The following RPH3AL variants were observed in gnomAD, a reference collection of about 807,000 sequenced individuals.
RPH3AL encodes rabphilin 3A like (without C2 domains), also known as rab effector Noc2.
RPH3AL carries 38 observed loss-of-function variants against 43.1 expected under a neutral mutation model. The observed-to-expected ratio is 0.88, with a 90% confidence interval of 0.68 to 1.15. The LOEUF is 1.15. RPH3AL is among the 50% of genes most tolerant of loss of function. RPH3AL has a pLI of 0.00. For synonymous variants in RPH3AL, 189 were observed against 176.3 expected (o/e 1.07, Z -0.57); for missense variants, 462 against 423.2 (o/e 1.09, Z -0.81).
At chr17:267,075 G>T (rs537210079) in intron 6 of RPH3AL, among the ~76,000 whole-genome samples, 75 of 152,318 alleles carry the variant, frequency 4.9e-4, no homozygotes, top group Admixed American at 4.8e-3. Context: ...GATGAGGAAA[G>T]GTCCCTACAA....
At position 316,575 on chromosome 17, in the gene RPH3AL, C is replaced by G. The variant is rs553464975; in HGVS notation, c.351+2845G>C. Among the ~76,000 whole-genome samples, 605 of 150,944 alleles carry G rather than the reference C, an allele frequency of 4.0e-3. 9 individuals carry two copies. Among genetic ancestry groups the G allele is most frequent in the African/African-American group, 0.014 (561 of 40,780 alleles). On this transcript the variant is annotated intron_variant, in intron 5 of 9. Coordinates refer to ENST00000331302, the MANE Select transcript of RPH3AL (RefSeq NM_006987.4). ...CTGACATGTAGTCCCTGTGCCCCAC[C>G]TCCATTGACCTGTAGTCCCTGTGCT...
chr17:327,986 G>A (rs1436852163), intron 2 of RPH3AL, among the ~76,000 whole-genome samples: 1 of 152,152 alleles, frequency 6.6e-6, no homozygotes, highest in Non-Finnish European at 1.5e-5. Flanking sequence ...TGGGCTGGGG[G>A]GTGATGGCCA....
rs578203405 is a variant in RPH3AL at position 297,248 on chromosome 17, C to T, written c.352-15394G>A. 1.8e-4 allele frequency among the ~76,000 whole-genome samples: 28 copies of T among 152,370 alleles called. No individual in the cohort carries two copies. In the South Asian group the frequency reaches 2.7e-3, roughly 15 times the overall value. ...CACCCAGGGCACCTCTCCCATCTGG[C>T]GGCTGCCTTGTTCATCTGTGCACTT... On this transcript the variant is annotated intron_variant, in intron 5 of 9. Coordinates refer to ENST00000331302, the MANE Select transcript of RPH3AL (RefSeq NM_006987.4).
intron 6 of RPH3AL, among the ~76,000 whole-genome samples, chr17:257,370 C>T (rs2042076242): frequency 9.4e-5 from 1 of 10,664 alleles, no homozygotes; most frequent in African/African-American, 1.8e-4. Context: ...CGTGACTACC[C>T]TACGTACTTC....
At chr17:260,586 A>G (rs2042174543) in intron 6 of RPH3AL, among the ~76,000 whole-genome samples, 1 of 152,170 alleles carries the variant, frequency 6.6e-6, no homozygotes, top group Admixed American at 6.5e-5. Flanking sequence ...GAACCACGGG[A>G]AAAGACCTGT....
intron 6 of RPH3AL, among the ~76,000 whole-genome samples, chr17:273,022 A>AGACCCCAGCGAGGGCGACGTCAGGG (rs2042536368): frequency 1.7e-5 from 1 of 60,512 alleles, no homozygotes; most frequent in African/African-American, 6.7e-5. Flanking sequence ...CGACATCAGG[A>AGACCCCAGCGAGGGCGACGTCAGGG]AGAGACCCCA....
intron 6 of RPH3AL, among the ~76,000 whole-genome samples, chr17:266,184 G>A (rs1555547905): frequency 6.6e-6 from 1 of 151,892 alleles, no homozygotes. Context: ...TTTAAAAGAT[G>A]ACACTTTAAG....
At chr17:320,677 T>C (rs1482162465) in intron 4 of RPH3AL, among the ~76,000 whole-genome samples, 1 of 152,160 alleles carries the variant, frequency 6.6e-6, no homozygotes, top group African/African-American at 2.4e-5. Context: ...AGATCAAAGA[T>C]ACATAGGAGG....
At chr17:248,148 T>C (rs910225503) in intron 6 of RPH3AL, among the ~76,000 whole-genome samples, 1 of 152,182 alleles carries the variant, frequency 6.6e-6, no homozygotes, top group Non-Finnish European at 1.5e-5. Context: ...CAGCTCTCCT[T>C]GGTGCCATGC....
intron 5 of RPH3AL, among the ~76,000 whole-genome samples, chr17:298,069 G>A (rs766403796): frequency 6.6e-5 from 10 of 152,178 alleles, no homozygotes; most frequent in East Asian, 3.9e-4. Context: ...CTCTGCCTCC[G>A]TGCCCTGTGG....
chr17:270,508 C>T (rs904234342), intron 6 of RPH3AL, among the ~76,000 whole-genome samples: 4 of 152,124 alleles, frequency 2.6e-5, no homozygotes, highest in Admixed American at 6.5e-5. Context: ...CTGGAAGACC[C>T]CAGTGGGCTG....
chr17:309,276 G>A (rs551108731), intron 5 of RPH3AL, among the ~76,000 whole-genome samples: 7 of 152,210 alleles, frequency 4.6e-5, no homozygotes, highest in Non-Finnish European at 7.3e-5. Flanking sequence ...CTGGGCGGCA[G>A]AGCTAGACCT....
intron 5 of RPH3AL, among the ~76,000 whole-genome samples, chr17:317,727 C>T (rs952438823): frequency 6.6e-6 from 1 of 152,244 alleles, no homozygotes; most frequent in Non-Finnish European, 1.5e-5. Context: ...AGCTGAAGTC[C>T]TGGCTTTCCT....
chr17:248,581 C>T (rs1351873841), intron 6 of RPH3AL, among the ~76,000 whole-genome samples: 1 of 152,210 alleles, frequency 6.6e-6, no homozygotes, highest in East Asian at 1.9e-4. Flanking sequence ...GATGCCCACC[C>T]TGAACTCACA....
At chr17:248,538 C>A (rs1157864060) in intron 6 of RPH3AL, among the ~76,000 whole-genome samples, 2 of 152,108 alleles carry the variant, frequency 1.3e-5, no homozygotes, top group East Asian at 3.9e-4. Context: ...AGACAGACAC[C>A]CCCAAAGGCT....
At chr17:238,445 CTG>C (rs1199506681) in intron 7 of RPH3AL, among the ~76,000 whole-genome samples, 1 of 152,240 alleles carries the variant, frequency 6.6e-6, no homozygotes, top group Admixed American at 6.5e-5. Flanking sequence ...ATCCTGTTAA[CTG>C]TCCTCGGCGT....
At chr17:298,986 T>C (rs1246199195) in intron 5 of RPH3AL, among the ~76,000 whole-genome samples, 2 of 150,016 alleles carry the variant, frequency 1.3e-5, no homozygotes, top group Admixed American at 6.7e-5. Flanking sequence ...AGCCGGGGAA[T>C]GAACTGAGGG....
intron 7 of RPH3AL, among the ~76,000 whole-genome samples, chr17:238,748 C>T (rs1390896885): frequency 2.0e-5 from 3 of 152,212 alleles, no homozygotes; most frequent in African/African-American, 7.2e-5. Flanking sequence ...CCACCCCCAG[C>T]AGCTCTCTCT....
Position 333,079 on chromosome 17 carries a change from G to A in RPH3AL, c.-37+680C>T. On this transcript the variant is annotated intron_variant, in intron 2 of 9. Coordinates refer to ENST00000331302, the MANE Select transcript of RPH3AL (RefSeq NM_006987.4). This position sits in a 1 kb window ranked among gnomAD's most constrained non-coding sequence, Gnocchi z 4.5. ...AGGAGGATGCAATTCTCTCTCTAAA[G>A]TCGAGAGCTCACCACCCCGGGCGTT... is the stretch of plus-strand genomic sequence containing the variant. 1 of 1,287,722 alleles carries A rather than the reference G, an allele frequency of 7.8e-7. No homozygotes were observed. Among genetic ancestry groups the A allele is most frequent in the Non-Finnish European group, 1.0e-6 (1 of 988,680 alleles). The allele number at this position is 1,287,722 out of a possible 1,614,324, so 79.8% of individuals were successfully genotyped here.
Sources: allele counts gnomAD v4.1 joint callset (sites outside exome capture counted in the v4.1 genomes callset), GRCh38; gene constraint gnomAD v4.1.1; non-coding constraint Gnocchi (gnomAD v3.1); transcripts MANE v1.5; gene names NCBI Gene and HGNC (gene_info 2026-07-23, HGNC 2026-07-21).